Variants in PTPRD observed in about 807,000 individuals in gnomAD.
PTPRD encodes the protein protein tyrosine phosphatase receptor type D.
Under a neutral mutation model 214.5 loss-of-function variants are expected in PTPRD, and 34 were observed. The ratio of observed to expected loss-of-function variants is 0.16; its 90% CI spans 0.12 to 0.21. PTPRD has a LOEUF of 0.21. Ranked by LOEUF, PTPRD falls within the 10% of genes least tolerant of loss-of-function variation. The pLI, the probability that PTPRD is intolerant of heterozygous loss-of-function variation, is 1.00. For synonymous variants in PTPRD, 1,128 were observed against 845.7 expected, an observed-to-expected ratio of 1.33 and a Z score of -5.79; for missense variants, 2,545 against 2,398.7, an observed-to-expected ratio of 1.06 and a Z score of -1.27.
intron 2 of PTPRD, among the ~76,000 whole-genome samples, chr9:10,427,049 G>T (rs1018794877): frequency 2.6e-5 from 4 of 151,984 alleles, no homozygotes; most frequent in Non-Finnish European, 4.4e-5. Context: ...GAGGTATTTT[G>T]GGGGGTATTG....
At chr9:10,508,404 T>C (rs1184956782) in intron 2 of PTPRD, among the ~76,000 whole-genome samples, 1 of 152,196 alleles carries the variant, frequency 6.6e-6, no homozygotes, top group African/African-American at 2.4e-5. Context: ...CTCAGGGATC[T>C]AGAACTAGAA....
chr9:9,784,920 T>C (rs1234907967), intron 5 of PTPRD, among the ~76,000 whole-genome samples: 1 of 150,562 alleles, frequency 6.6e-6, no homozygotes, highest in Non-Finnish European at 1.5e-5. Flanking sequence ...CTACATTTTA[T>C]CAACAAATTG....
At chr9:8,454,572 T>C in intron 33 of PTPRD, 1 of 1,613,222 alleles carries the variant, frequency 6.2e-7, no homozygotes, top group Admixed American at 1.7e-5. Context: ...TTGTTCTCTA[T>C]TCCTCACCTG....
intron 14 of PTPRD, among the ~76,000 whole-genome samples, chr9:8,627,890 T>C (rs2096097463): frequency 6.6e-6 from 1 of 151,916 alleles, no homozygotes; most frequent in Non-Finnish European, 1.5e-5. Context: ...TCACTTAAAG[T>C]GGCTCTGCCC....
intron 5 of PTPRD, among the ~76,000 whole-genome samples, chr9:9,789,574 G>C (rs1273472486): frequency 6.6e-6 from 1 of 151,822 alleles, no homozygotes; most frequent in Non-Finnish European, 1.5e-5. Context: ...GAGGCGGGCG[G>C]ATCAGGAGAT....
At chr9:8,610,848 C>G (rs1045478543) in intron 14 of PTPRD, among the ~76,000 whole-genome samples, 1 of 152,178 alleles carries the variant, frequency 6.6e-6, no homozygotes, top group South Asian at 2.1e-4. Flanking sequence ...AGGACGTGAT[C>G]TGGTTTAGAT....
intron 4 of PTPRD, among the ~76,000 whole-genome samples, chr9:9,940,584 A>G (rs1603147202): frequency 6.6e-6 from 1 of 152,286 alleles, no homozygotes; most frequent in Non-Finnish European, 1.5e-5. Context: ...GAGATAATAC[A>G]TTCTTCTGAG....
chr9:8,349,239 A>C (rs906823809), intron 39 of PTPRD, among the ~76,000 whole-genome samples: 1 of 147,016 alleles, frequency 6.8e-6, no homozygotes, highest in East Asian at 1.9e-4. Flanking sequence ...ATTGCTGAGA[A>C]ATAACAAACC....
At chr9:9,667,470 G>A (rs777167171) in intron 7 of PTPRD, among the ~76,000 whole-genome samples, 21 of 152,078 alleles carry the variant, frequency 1.4e-4, no homozygotes, top group Non-Finnish European at 2.6e-4. Context: ...AATAGTTTAT[G>A]TTCATTCATT....
intron 9 of PTPRD, among the ~76,000 whole-genome samples, chr9:9,394,947 A>G (rs904218653): frequency 6.6e-6 from 1 of 152,120 alleles, no homozygotes; most frequent in Non-Finnish European, 1.5e-5. Context: ...GTGAAATCAA[A>G]TGAATTTTAA....
At chr9:10,125,810 A>G (rs1033374485) in intron 3 of PTPRD, among the ~76,000 whole-genome samples, 8 of 152,128 alleles carry the variant, frequency 5.3e-5, no homozygotes, top group African/African-American at 1.9e-4. Context: ...TAGTAAAACT[A>G]TAAGTTAGAA....
At chr9:10,292,852 C>T (rs2095568097) in intron 3 of PTPRD, among the ~76,000 whole-genome samples, 1 of 151,618 alleles carries the variant, frequency 6.6e-6, no homozygotes, top group African/African-American at 2.4e-5. Context: ...ATGAGGAACA[C>T]TTAATGAGTG....
intron 3 of PTPRD, among the ~76,000 whole-genome samples, chr9:10,259,320 G>A (rs938654735): frequency 6.6e-6 from 1 of 152,074 alleles, no homozygotes; most frequent in Non-Finnish European, 1.5e-5. Context: ...CACCGCGCCC[G>A]GCCGGTATCT....
At chr9:10,317,303 G>T (rs1441561883) in intron 3 of PTPRD, among the ~76,000 whole-genome samples, 2 of 151,824 alleles carry the variant, frequency 1.3e-5, no homozygotes, top group African/African-American at 4.8e-5. Flanking sequence ...ATTTGAATAA[G>T]TTTCTCCTTT....
intron 3 of PTPRD, among the ~76,000 whole-genome samples, chr9:10,071,933 C>A (rs2098027339): frequency 6.6e-6 from 1 of 151,630 alleles, no homozygotes; most frequent in Non-Finnish European, 1.5e-5. Flanking sequence ...TTATTATCTA[C>A]TAAATTATAT....
At chr9:8,569,941 T>C (rs925911128) in intron 14 of PTPRD, among the ~76,000 whole-genome samples, 5 of 152,084 alleles carry the variant, frequency 3.3e-5, no homozygotes, top group African/African-American at 1.2e-4. Flanking sequence ...AGAGCAGATA[T>C]CAACAACATT....
intron 7 of PTPRD, among the ~76,000 whole-genome samples, chr9:9,656,496 G>T (rs2096517862): frequency 6.6e-6 from 1 of 152,082 alleles, no homozygotes; most frequent in African/African-American, 2.4e-5. Context: ...CTAAGAGAAA[G>T]AAGCTGATCT....
intron 9 of PTPRD, among the ~76,000 whole-genome samples, chr9:9,217,036 G>C (rs1241769038): frequency 2.0e-5 from 3 of 152,124 alleles, no homozygotes; most frequent in African/African-American, 7.2e-5. Context: ...TTTAAGAAAT[G>C]CCAGTGTTAA....
At position 10,385,142 on chromosome 9, in the gene PTPRD, A is replaced by G. The variant is rs114737249; in HGVS notation, c.-599-44125T>C. On this transcript the variant is annotated intron_variant, in intron 2 of 45. Transcript: ENST00000381196. ...TTCTTCAAAGCTAACCACAAATACT[A>G]CTTGTTTTTTTTCCAAAAAGTTTAT... is the stretch of plus-strand genomic sequence containing the variant. Among the ~76,000 whole-genome samples the G allele has an allele frequency of 6.7e-3, 1,011 of 151,924 alleles. 9 individuals carry two copies. The highest frequency in any genetic ancestry group is 0.023 in the African/African-American group (947 of 41,518).
Sources: gnomAD v4.1 joint callset for allele counts (sites outside exome capture counted in the v4.1 genomes callset) on GRCh38, gnomAD v4.1.1 for gene constraint, MANE v1.5 for transcripts, NCBI Gene and HGNC (gene_info 2026-07-23, HGNC 2026-07-21) for gene names.